The following TMEM168 variants were observed in gnomAD, a reference collection of about 807,000 sequenced individuals.
The protein encoded by TMEM168 is transmembrane protein 168.
A neutral mutation model predicts 53.2 loss-of-function variants in TMEM168; 40 were observed. The ratio of observed to expected loss-of-function variants is 0.75; its 90% CI spans 0.58 to 0.98. The LOEUF is 0.98. TMEM168 is among the 50% of genes least tolerant of loss of function. The probability of loss-of-function intolerance (pLI) is 0.00; values close to 1 mark genes in which losing one functional copy is unlikely to be tolerated. For missense variants in TMEM168, 771 were observed against 828.8 expected, an observed-to-expected ratio of 0.93 and a Z score of 0.86; for synonymous variants, 282 against 293.0, an observed-to-expected ratio of 0.96 and a Z score of 0.38.
At chr7:112,772,758 G>T in intron 4 of TMEM168, 23 bp downstream of exon 4, 2 of 1,603,424 alleles carry the variant, frequency 1.2e-6, no homozygotes, top group Non-Finnish European at 1.7e-6. Context: ...TTACAATAGT[G>T]AAACTGCCAA....
chr7:112,777,241 CTTTA>C (rs1232145777), intron 2 of TMEM168, among the ~76,000 whole-genome samples: 1 of 152,180 alleles, frequency 6.6e-6, no homozygotes, highest in Non-Finnish European at 1.5e-5. Flanking sequence ...CCTCTAAAGG[CTTTA>C]TTGTTTTGCC....
intron 2 of TMEM168, among the ~76,000 whole-genome samples, chr7:112,781,700 A>T (rs2116286402): frequency 6.6e-6 from 1 of 151,888 alleles, no homozygotes; most frequent in African/African-American, 2.4e-5. Flanking sequence ...AGATCTATAT[A>T]TTAAAAAAAA....
At chr7:112,781,691 G>A (rs535044868) in intron 2 of TMEM168, among the ~76,000 whole-genome samples, 8 of 149,974 alleles carry the variant, frequency 5.3e-5, no homozygotes, top group Non-Finnish European at 1.2e-4. Flanking sequence ...GGAACAATGA[G>A]ATCTATATAT....
chr7:112,788,608 T>G (rs768281947), intron 1 of TMEM168: 3 of 152,180 alleles, frequency 2.0e-5, no homozygotes, highest in African/African-American at 4.8e-5. Context: ...TCACTAATGA[T>G]TCAATGGACA....
intron 2 of TMEM168, among the ~76,000 whole-genome samples, chr7:112,775,886 A>T (rs1202588575): frequency 6.6e-6 from 1 of 152,060 alleles, no homozygotes; most frequent in Admixed American, 6.6e-5. Context: ...TGCAAATTCA[A>T]AATTTTAACA....
rs1792693209 is a variant in TMEM168 at position 112,762,713 on chromosome 7, A to G, written c.*4484T>C. ...TTTCAAAGCAAAAAACCTTACGGGT[A>G]GCCCACAGTTTTCAATTTTCAGTCA... On this transcript the variant is annotated 3_prime_UTR_variant, in exon 5 of 5. Coordinates refer to ENST00000312814, the MANE Select transcript of TMEM168 (RefSeq NM_022484.6). The G allele has an allele frequency of 6.6e-6, 1 of 152,090 alleles. No individual in the cohort carries two copies. Among genetic ancestry groups the G allele is most frequent in the South Asian group, 2.1e-4 (1 of 4,836 alleles). The allele number at this position is 152,090 out of a possible 1,614,324, so 9.4% of individuals were successfully genotyped here.
intron 1 of TMEM168, 77 bp downstream of exon 1, chr7:112,790,083 G>C (rs1288777585): frequency 6.6e-6 from 1 of 152,258 alleles, no homozygotes; most frequent in Non-Finnish European, 1.5e-5. Flanking sequence ...GCGGAGCTTG[G>C]GGTCCGGACC....
rs774333872 is a variant in TMEM168, at chr7:112,783,849, C to T, written c.977G>A (p.Cys326Tyr). The change falls in exon 2 of 5, where the codon TGC (cysteine) becomes TAC (tyrosine). Residue 326 changes from cysteine (C) to tyrosine (Y), a missense_variant. Physicochemically the swap from Cys to Tyr is radical, Grantham distance 194. Transcript: ENST00000312814. The stretch of plus-strand genomic sequence containing the variant: ...CCTGTGAGTAAAATATACTTTATGG[C>T]AGTCATTTAATTTGGTATGGAATCC... ...LWGFHTKLND[C>Y]HKVYFTHRTD... 5.6e-6 allele frequency: 9 copies of T among 1,605,646 alleles called. No homozygotes were observed. The highest frequency in any genetic ancestry group is 1.7e-5 in the Admixed American group (1 of 58,474).
At chr7:112,789,611 T>C (rs746526580) in intron 1 of TMEM168, among the ~76,000 whole-genome samples, 16 of 152,162 alleles carry the variant, frequency 1.1e-4, no homozygotes, top group Non-Finnish European at 2.4e-4. Context: ...AAACCAATTC[T>C]CTCTCCATGT....
In TMEM168 at chr7:112,767,265, A is replaced by C; in HGVS notation, c.2026T>G (p.Leu676Val). 1 of 1,614,158 alleles carries C rather than the reference A, an allele frequency of 6.2e-7. No individual in the cohort carries two copies. The highest frequency in any genetic ancestry group is 8.5e-7 in the Non-Finnish European group (1 of 1,180,010). ...GTAGGAAGAAACCAACTCATTTTTAATCTTTTCAAGCACCTAAAACAAGTT... is the reference window on the plus strand; with the variant it reads ...GTAGGAAGAAACCAACTCATTTTTACTCTTTTCAAGCACCTAAAACAAGTT... Reference protein sequence around the residue: ...CKTCFRCLKRLKMSWFLPTVL... With the variant: ...CKTCFRCLKRVKMSWFLPTVL... The change falls in exon 5 of 5, where the codon TTA becomes GTA. Residue 676 changes from leucine to valine, a missense_variant. Transcript: ENST00000312814.
intron 4 of TMEM168, among the ~76,000 whole-genome samples, chr7:112,769,004 T>C (rs1792861990): frequency 2.0e-5 from 3 of 152,268 alleles, no homozygotes; most frequent in Admixed American, 1.3e-4. Context: ...TTCCATGTGG[T>C]TTTTAAAATA....
In TMEM168 at chr7:112,784,805, A is replaced by T; in HGVS notation, c.21T>A (p.Tyr7Ter). 2 of 1,594,716 alleles carry T rather than the reference A, an allele frequency of 1.3e-6. No homozygotes were observed. Among genetic ancestry groups the T allele is most frequent in the Non-Finnish European group, 1.7e-6 (2 of 1,174,392 alleles). The change falls in exon 2 of 5, where the codon TAT (tyrosine) becomes TAA (stop). Residue 7 changes from tyrosine to a stop codon, truncating the protein, a stop_gained. Transcript: ENST00000312814. LOFTEE classifies it high-confidence loss of function. ...CTAAATAGAGACAATGACTAAAGCA[A>T]TAACGCAGTGATTTACACATGTAAC... Reference protein sequence around the residue: MCKSLRYCFSHCLYLAM... With the variant: MCKSLR
At position 112,772,861 on chromosome 7, in the gene TMEM168, G is replaced by A. The variant is rs751277674; in HGVS notation, c.1466C>T (p.Thr489Ile). ...CGTATCATGTCTGGGTCCATCCACT[G>A]TCCGAAGTTCGAGGAAAGCTTTTAG... is the stretch of plus-strand genomic sequence containing the variant. ...SKLKAFLELR[T>I]VDGPRHDTYI... Residue 489 changes from threonine to isoleucine, a missense_variant, in exon 4 of 5, where the codon ACA becomes ATA. By Grantham distance (89) the Thr-to-Ile change is moderately conservative. Coordinates refer to ENST00000312814, the MANE Select transcript of TMEM168 (RefSeq NM_022484.6). 4.3e-6 allele frequency: 7 copies of A among 1,613,926 alleles called. No homozygotes were observed. Among genetic ancestry groups the A allele is most frequent in the Middle Eastern group, 1.6e-4 (1 of 6,084 alleles).
At chr7:112,768,172 G>A (rs1235046261) in intron 4 of TMEM168, among the ~76,000 whole-genome samples, 2 of 152,190 alleles carry the variant, frequency 1.3e-5, no homozygotes, top group African/African-American at 4.8e-5. Flanking sequence ...ATTTTCACAT[G>A]GTTGAAAGAA....
At chr7:112,768,545 T>C (rs1277192420) in intron 4 of TMEM168, among the ~76,000 whole-genome samples, 1 of 152,222 alleles carries the variant, frequency 6.6e-6, no homozygotes, top group Non-Finnish European at 1.5e-5. Context: ...TAAAAAAATA[T>C]ATATACCCAG....
At chr7:112,778,553 T>C (rs1403883205) in intron 2 of TMEM168, 1 of 152,226 alleles carries the variant, frequency 6.6e-6, no homozygotes, top group Admixed American at 6.5e-5. Context: ...TTTACATATT[T>C]TTTCTAAACC....
Position 112,784,476 on chromosome 7 carries a change from T to G in TMEM168, c.350A>C (p.Asp117Ala). The G allele has an allele frequency of 1.9e-6, 3 of 1,614,092 alleles. No individual in the cohort carries two copies. Among genetic ancestry groups the G allele is most frequent in the Non-Finnish European group, 2.5e-6 (3 of 1,180,000 alleles). The change falls in exon 2 of 5, where the codon GAT becomes GCT. Residue 117 changes from aspartate (D) to alanine (A), a missense_variant. Physicochemically the swap from Asp to Ala is moderately radical, Grantham distance 126 (BLOSUM62 -2). Coordinates refer to ENST00000312814, the MANE Select transcript of TMEM168 (RefSeq NM_022484.6). Reference protein sequence around the residue: ...CFLDNSSFKNDVKEESTKYLL... With the variant: ...CFLDNSSFKNAVKEESTKYLL... ...ATATTTGGTTGATTCTTCTTTTACA[T>G]CATTTTTAAAGGATGAATTATCAAG...
intron 2 of TMEM168, among the ~76,000 whole-genome samples, chr7:112,782,421 G>C (rs1216045348): frequency 1.3e-5 from 2 of 152,124 alleles, no homozygotes; most frequent in African/African-American, 4.8e-5. Context: ...GAATGAGGCT[G>C]ACTTGGAAAA....
rs560486366 is a variant in TMEM168 at position 112,772,812 on chromosome 7, G to A, written c.1515C>T (p.His505=). 3.7e-6 allele frequency: 6 copies of A among 1,614,012 alleles called. No homozygotes were observed. The Admixed American group carries it at 5.0e-5, about 13-fold the overall frequency. ...HDTYILYYSG[H]THGTGEWALA... ...GAGCCCACTCTCCTGTACCATGGGT[G>A]TGCCCACTGTAATACAAAATATACG... is the stretch of plus-strand genomic sequence containing the variant. The change falls in exon 4 of 5, where the codon CAC becomes CAT. Residue 505 remains histidine, a synonymous_variant. Coordinates refer to ENST00000312814, the MANE Select transcript of TMEM168 (RefSeq NM_022484.6).
Sources: allele counts gnomAD v4.1 joint callset (sites outside exome capture counted in the v4.1 genomes callset), GRCh38; gene constraint gnomAD v4.1.1; transcripts MANE v1.5; gene names NCBI Gene and HGNC (gene_info 2026-07-23, HGNC 2026-07-21).